Variants in ENTREP2 observed in about 807,000 individuals in gnomAD.
The protein encoded by ENTREP2 is protein ENTREP2.
the ENTREP2 span, among the ~76,000 whole-genome samples, chr15:29,170,305 C>T: frequency 1.6e-5 from 1 of 63,924 alleles, no homozygotes; most frequent in Non-Finnish European, 2.9e-5. Context: ...GAGACTCCAT[C>T]TCAAAAAAAA....
At chr15:29,650,488 G>C in the ENTREP2 span, among the ~76,000 whole-genome samples, 1 of 152,100 alleles carries the variant, frequency 6.6e-6, no homozygotes, top group East Asian at 1.9e-4. Context: ...AGCTACTCAG[G>C]AGGCTGAGAC....
the ENTREP2 span, among the ~76,000 whole-genome samples, chr15:29,633,908 G>A: frequency 6.6e-6 from 1 of 152,056 alleles, no homozygotes; most frequent in Non-Finnish European, 1.5e-5. Context: ...GCAGTGAGTC[G>A]AGATCGTGCC....
the ENTREP2 span, among the ~76,000 whole-genome samples, chr15:29,197,536 G>A: frequency 2.0e-5 from 3 of 152,340 alleles, no homozygotes; most frequent in South Asian, 6.2e-4. Flanking sequence ...GGGAGGCTGA[G>A]GCGGGCAGAT....
the ENTREP2 span, among the ~76,000 whole-genome samples, chr15:29,142,135 T>G: frequency 6.6e-6 from 1 of 152,188 alleles, no homozygotes; most frequent in Non-Finnish European, 1.5e-5. Flanking sequence ...AGGGAAGGTC[T>G]GTCTCCCCTG....
At chr15:29,395,791 C>T in the ENTREP2 span, among the ~76,000 whole-genome samples, 2,063 of 152,008 alleles carry the variant, frequency 0.014, 56 homozygotes, top group African/African-American at 0.048. Flanking sequence ...GCCTGGGCCT[C>T]GAAAAGTGCT....
At chr15:29,657,483 C>CAGGGCGG in the ENTREP2 span, among the ~76,000 whole-genome samples, 1 of 69,382 alleles carries the variant, frequency 1.4e-5, no homozygotes, top group African/African-American at 6.0e-5. Flanking sequence ...GCTGGGGGGG[C>CAGGGCGG]GGGGGGGGGG....
chr15:29,210,535 T>G, the ENTREP2 span, among the ~76,000 whole-genome samples: 1 of 152,246 alleles, frequency 6.6e-6, no homozygotes, highest in Non-Finnish European at 1.5e-5. Context: ...TATTGTGAAC[T>G]GTGCATGCAA....
the ENTREP2 span, among the ~76,000 whole-genome samples, chr15:29,567,010 A>G: frequency 6.6e-6 from 1 of 152,180 alleles, no homozygotes; most frequent in Non-Finnish European, 1.5e-5. Context: ...CTACTCTATT[A>G]AAGGATAACT....
At chr15:29,587,265 A>G in the ENTREP2 span, among the ~76,000 whole-genome samples, 1 of 151,506 alleles carries the variant, frequency 6.6e-6, no homozygotes, top group South Asian at 2.1e-4. Flanking sequence ...AAGGGCCCCA[A>G]CTATGGTCCT....
chr15:29,640,245 A>C, the ENTREP2 span, among the ~76,000 whole-genome samples: 1 of 152,232 alleles, frequency 6.6e-6, no homozygotes, highest in Non-Finnish European at 1.5e-5. Flanking sequence ...GTATGCCAAC[A>C]AATTAGATGA....
chr15:29,558,595 C>T, the ENTREP2 span, among the ~76,000 whole-genome samples: 1 of 149,156 alleles, frequency 6.7e-6, no homozygotes, highest in Non-Finnish European at 1.5e-5. Context: ...CTGAAAAACC[C>T]AGGTTTGAAT....
the ENTREP2 span, among the ~76,000 whole-genome samples, chr15:29,571,751 T>C: frequency 6.6e-6 from 1 of 152,206 alleles, no homozygotes; most frequent in South Asian, 2.1e-4. Flanking sequence ...ACTGGCTCCC[T>C]TGGAATACCG....
the ENTREP2 span, among the ~76,000 whole-genome samples, chr15:29,421,506 G>T: frequency 6.6e-6 from 1 of 152,166 alleles, no homozygotes; most frequent in Non-Finnish European, 1.5e-5. Flanking sequence ...ATTAAAAGTA[G>T]TTGCCTCTGC....
At chr15:29,650,493 T>C in the ENTREP2 span, among the ~76,000 whole-genome samples, 1 of 151,988 alleles carries the variant, frequency 6.6e-6, no homozygotes, top group Non-Finnish European at 1.5e-5. Context: ...CTCAGGAGGC[T>C]GAGACAGGAG....
chr15:29,135,774 C>T, the ENTREP2 span, among the ~76,000 whole-genome samples: 2 of 152,188 alleles, frequency 1.3e-5, no homozygotes, highest in Non-Finnish European at 2.9e-5. This position sits in a 1 kb window ranked among gnomAD's most constrained non-coding sequence, Gnocchi z 7.4. Flanking sequence ...GCTGAAAGGA[C>T]CTGGCAACTG....
chr15:29,461,337 C>T, the ENTREP2 span, among the ~76,000 whole-genome samples: 1 of 152,146 alleles, frequency 6.6e-6, no homozygotes, highest in Non-Finnish European at 1.5e-5. Flanking sequence ...CACCAGAAAA[C>T]ATGAGTTGCT....
the ENTREP2 span, among the ~76,000 whole-genome samples, chr15:29,306,999 C>T: frequency 6.6e-6 from 1 of 152,156 alleles, no homozygotes; most frequent in South Asian, 2.1e-4. Flanking sequence ...CCACCCTCCT[C>T]GGCCTCCCAA....
chr15:29,315,205 A>T, the ENTREP2 span, among the ~76,000 whole-genome samples: 1 of 152,240 alleles, frequency 6.6e-6, no homozygotes, highest in Non-Finnish European at 1.5e-5. Flanking sequence ...GATTAAAAAA[A>T]ATCATCATTG....
the ENTREP2 span, among the ~76,000 whole-genome samples, chr15:29,619,130 C>T: frequency 8.5e-5 from 13 of 152,334 alleles, no homozygotes; most frequent in Middle Eastern, 3.4e-3. Flanking sequence ...CGGTGGCTCA[C>T]GCCTGTAATC....
Sources: gnomAD v4.1 joint callset for allele counts (sites outside exome capture counted in the v4.1 genomes callset) on GRCh38, gnomAD v4.1.1 for gene constraint, Gnocchi (gnomAD v3.1) non-coding constraint, MANE v1.5 for transcripts, NCBI Gene and HGNC (gene_info 2026-07-23, HGNC 2026-07-21) for gene names.